The following ASTN1 variants were observed in gnomAD, a reference collection of about 807,000 sequenced individuals.
The protein encoded by ASTN1 is astrotactin-1.
ASTN1 carries 41 observed loss-of-function variants against 140.7 expected under a neutral mutation model. The ratio of observed to expected loss-of-function variants is 0.29; its 90% confidence interval spans 0.23 to 0.38. ASTN1 has a LOEUF of 0.38. Ranked by LOEUF, ASTN1 falls within the 10% of genes least tolerant of loss-of-function variation. The pLI is 1.00. For synonymous variants in ASTN1, 640 were observed against 652.2 expected, an observed-to-expected ratio of 0.98 and a Z score of 0.29; for missense variants, 1,479 against 1,678.8, an observed-to-expected ratio of 0.88 and a Z score of 2.08.
chr1:176,923,177 G>T (rs1292768245), intron 16 of ASTN1, among the ~76,000 whole-genome samples: 1 of 152,150 alleles, frequency 6.6e-6, no homozygotes, highest in Non-Finnish European at 1.5e-5. Context: ...TATCAACCAA[G>T]TTAACCTATT....
At chr1:176,859,070 G>A (rs1286678591), downstream of ASTN1, among the ~76,000 whole-genome samples, 1 of 152,166 alleles carries the variant, frequency 6.6e-6, no homozygotes, top group Admixed American at 6.5e-5. Context: ...AATAAGTATG[G>A]GGTATGCACA....
intron 2 of ASTN1, among the ~76,000 whole-genome samples, chr1:177,038,956 C>A (rs1676853863): frequency 6.6e-6 from 1 of 152,134 alleles, no homozygotes; most frequent in African/African-American, 2.4e-5. Context: ...TGGTAACACC[C>A]CCATGGACCA....
At chr1:177,094,380 G>A (rs144853207) in intron 1 of ASTN1, among the ~76,000 whole-genome samples, 1 of 152,160 alleles carries the variant, frequency 6.6e-6, no homozygotes, top group Non-Finnish European at 1.5e-5. Flanking sequence ...GGCTGCCTAT[G>A]CACATGATTG....
Position 176,946,052 on chromosome 1 carries a change from T to G in ASTN1, c.2123A>C (p.Glu708Ala), listed in dbSNP as rs1185268362. ...SCQLITETCPEGSDCGESREL... is the reference protein window; with the variant it reads ...SCQLITETCPAGSDCGESREL... ...CCTGCTTTCCCCACAGTCACTTCCC[T>G]CTGGACAGGTCTCCGTGATGAGTTG... The change falls in exon 13 of 23, where the codon GAG (glutamate) becomes GCG (alanine). Residue 708 changes from glutamate (E) to alanine (A), a missense_variant. This residue lies in a region of ASTN1 where 746 missense variants were observed against 800.9 expected (regional missense o/e 0.93). Coordinates refer to ENST00000361833, the MANE Select transcript of ASTN1 (RefSeq NM_004319.3). The G allele has an allele frequency of 6.2e-7, 1 of 1,614,080 alleles. No homozygotes were observed. The highest frequency in any genetic ancestry group is 1.7e-5 in the Admixed American group (1 of 60,018).
At position 176,934,338 on chromosome 1, in the gene ASTN1, G is replaced by A; in HGVS notation, c.2485C>T (p.Leu829Phe). Reference protein sequence around the residue: ...KLNQVAISQALSNALHSLDGA... With the variant: ...KLNQVAISQAFSNALHSLDGA... ...TCCAGCGAGTGGAGAGCATTGCTGA[G>A]GGCTATGGAGAGGCATCACCCAAGG... Residue 829 changes from leucine (L) to phenylalanine (F), a missense_variant and splice_region_variant, in exon 16 of 23, where the codon CTC (leucine) becomes TTC (phenylalanine). Transcript: ENST00000361833. 1 of 1,603,398 alleles carries A rather than the reference G, an allele frequency of 6.2e-7. No individual in the cohort carries two copies. The highest frequency in any genetic ancestry group is 8.5e-7 in the Non-Finnish European group (1 of 1,171,196).
At chr1:176,895,375 T>C (rs1377232396) in intron 16 of ASTN1, among the ~76,000 whole-genome samples, 1 of 152,182 alleles carries the variant, frequency 6.6e-6, no homozygotes. Flanking sequence ...ATGATAACTC[T>C]CTGCATGGCG....
chr1:176,956,609 T>A (rs1672416439), intron 11 of ASTN1, among the ~76,000 whole-genome samples: 1 of 152,212 alleles, frequency 6.6e-6, no homozygotes, highest in Non-Finnish European at 1.5e-5. Context: ...TACCAGTGAA[T>A]CATCTCTTCC....
chr1:176,949,203 T>A lies in ASTN1; in HGVS notation c.2036A>T (p.Asn679Ile), dbSNP rs1296563669. 1 of 1,613,826 alleles carries A rather than the reference T, an allele frequency of 6.2e-7. No individual in the cohort carries two copies. The highest frequency in any genetic ancestry group is 1.3e-5 in the African/African-American group (1 of 74,900). ...APFPDDPTLY[N>I]ILMFCGCIED... Reference sequence around the variant, plus strand: ...AACTCACCCACAGAACATGAGGATGTTATACAAGGTGGGGTCGTCCGGGAA... The same window carrying A: ...AACTCACCCACAGAACATGAGGATGATATACAAGGTGGGGTCGTCCGGGAA... Residue 679 changes from asparagine to isoleucine, a missense_variant, in exon 12 of 23, where the codon AAC (asparagine) becomes ATC (isoleucine). By Grantham distance (149) the Asn-to-Ile change is moderately radical. Transcript: ENST00000361833.
intron 20 of ASTN1, among the ~76,000 whole-genome samples, chr1:176,879,973 C>A (rs1557930373): frequency 6.6e-6 from 1 of 152,204 alleles, no homozygotes; most frequent in Non-Finnish European, 1.5e-5. Flanking sequence ...CTCAGAAAGG[C>A]CTCGGCTTAC....
At chr1:177,163,717 C>A (rs1169300133) in intron 1 of ASTN1, among the ~76,000 whole-genome samples, 1 of 152,176 alleles carries the variant, frequency 6.6e-6, no homozygotes, top group Non-Finnish European at 1.5e-5. Flanking sequence ...TGTATAATAT[C>A]TTTAACCAAC....
At chr1:176,978,467 G>A (rs1673464324) in intron 8 of ASTN1, among the ~76,000 whole-genome samples, 1 of 152,128 alleles carries the variant, frequency 6.6e-6, no homozygotes, top group Admixed American at 6.6e-5. Flanking sequence ...TGGAAGAGAA[G>A]GGCAATTCTT....
chr1:176,956,465 G>C (rs1041813883), intron 11 of ASTN1, among the ~76,000 whole-genome samples: 1 of 152,136 alleles, frequency 6.6e-6, no homozygotes, highest in African/African-American at 2.4e-5. Flanking sequence ...GATGGCATCA[G>C]CGCAGCATCC....
At position 176,864,021 on chromosome 1, in the gene ASTN1, G is replaced by A. The variant is rs1668049692; in HGVS notation, c.*263C>T. 1.6e-6 allele frequency: 2 copies of A among 1,249,230 alleles called. No individual in the cohort carries two copies. Among genetic ancestry groups the A allele is most frequent in the Middle Eastern group, 3.2e-4 (1 of 3,104 alleles). The allele number at this position is 1,249,230 out of a possible 1,614,324, so 77.4% of individuals were successfully genotyped here. A position where few individuals can be genotyped will look rare whatever the true frequency, so the allele number is the denominator to read the frequency against. ...AAAAAAATGAATGGAACAAATTAATGGCAAAGCAAACCCCAAAGTAATCCT... is the reference window on the plus strand; with the variant it reads ...AAAAAAATGAATGGAACAAATTAATAGCAAAGCAAACCCCAAAGTAATCCT... On this transcript the variant is annotated 3_prime_UTR_variant, in exon 23 of 23. Transcript: ENST00000361833.
intron 7 of ASTN1, among the ~76,000 whole-genome samples, chr1:177,017,169 G>A (rs745678903): frequency 2.2e-4 from 33 of 152,270 alleles, no homozygotes; most frequent in East Asian, 5.8e-4. Context: ...AATTGCCTTC[G>A]TAGTCATTAT....
chr1:177,043,962 A>T (rs1389317003), intron 2 of ASTN1, among the ~76,000 whole-genome samples: 3 of 152,082 alleles, frequency 2.0e-5, no homozygotes, highest in East Asian at 1.9e-4. Context: ...TTTCTCTGGA[A>T]CTAATCAAGC....
chr1:177,130,888 C>T (rs1393688552), intron 1 of ASTN1, among the ~76,000 whole-genome samples: 4 of 152,168 alleles, frequency 2.6e-5, no homozygotes, highest in African/African-American at 9.7e-5. Context: ...TTGTTAGGTC[C>T]CTTGAGAAGG....
At position 176,970,734 on chromosome 1, in the gene ASTN1, GT is replaced by G. The variant is rs1194592125; in HGVS notation, c.1524-5498del. Among the ~76,000 whole-genome samples, 261 of 145,378 alleles carry G rather than the reference GT, an allele frequency of 1.8e-3. 1 individual carries two copies. The Middle Eastern group carries it at 0.035, about 20-fold the overall frequency. ...TGTATATATGAATGTGGGTATGGGTGTGTGTGTGTGTGTGTGTGTGTGTGTG... is the reference window on the plus strand; with the variant it reads ...TGTATATATGAATGTGGGTATGGGTGGTGTGTGTGTGTGTGTGTGTGTGTG... On this transcript the variant is annotated intron_variant, in intron 8 of 22. Transcript: ENST00000361833.
rs967126995 is a variant in ASTN1, at chr1:176,868,869, G to A, written c.3622C>T (p.Arg1208Ter). Reference protein sequence around the residue: ...HYESFGEFTWRCEDELGPRKA... With the variant: ...HYESFGEFTW ...CTGGGACCTAACTCATCCTCACATC[G>A]CCAGGTGAATTCCCCAAAACTCTCA... The change falls in exon 22 of 23, where the codon CGA becomes TGA. Residue 1208 changes from arginine to a stop codon, truncating the protein, a stop_gained. Coordinates refer to ENST00000361833, the MANE Select transcript of ASTN1 (RefSeq NM_004319.3). LOFTEE classifies it high-confidence loss of function. The A allele has an allele frequency of 1.2e-6, 2 of 1,606,276 alleles. No individual in the cohort carries two copies. The highest frequency in any genetic ancestry group is 1.7e-6 in the Non-Finnish European group (2 of 1,175,450).
At chr1:176,876,271 C>T (rs545995114) in intron 21 of ASTN1, among the ~76,000 whole-genome samples, 5 of 152,168 alleles carry the variant, frequency 3.3e-5, no homozygotes, top group South Asian at 2.1e-4. Context: ...GGCATACAAT[C>T]GTGTATGCTA....
Sources: gnomAD v4.1 joint callset for allele counts (sites outside exome capture counted in the v4.1 genomes callset) on GRCh38, gnomAD v4.1.1 for gene constraint, gnomAD v4.1.1 regional missense constraint, MANE v1.5 for transcripts, NCBI Gene and HGNC (gene_info 2026-07-23, HGNC 2026-07-21) for gene names.